Variants in KIF16B observed in about 807,000 individuals in gnomAD.
The protein encoded by KIF16B is kinesin family member 16B.
A neutral mutation model predicts 156.3 loss-of-function variants in KIF16B; 98 were observed. That is an observed-to-expected ratio of 0.63 (90% confidence interval 0.53 to 0.74). The LOEUF is 0.74. KIF16B is among the 30% of genes least tolerant of loss of function. The pLI, the probability that KIF16B is intolerant of heterozygous loss-of-function variation, is 0.00. For missense variants in KIF16B, 1,421 were observed against 1,606.5 expected (o/e 0.88, Z 1.97); for synonymous variants, 564 against 583.7 (o/e 0.97, Z 0.49).
intron 24 of KIF16B, among the ~76,000 whole-genome samples, chr20:16,329,155 A>G (rs1460679379): frequency 6.6e-6 from 1 of 152,164 alleles, no homozygotes; most frequent in East Asian, 1.9e-4. Context: ...CAGTCATCCA[A>G]AAAGCTAGGG....
chr20:16,310,356 C>T (rs530408693), intron 25 of KIF16B, among the ~76,000 whole-genome samples: 1 of 152,178 alleles, frequency 6.6e-6, no homozygotes, highest in African/African-American at 2.4e-5. Context: ...CAGGTTCCAC[C>T]TGAAAGCATT....
Position 16,374,371 on chromosome 20 carries a change from T to C in KIF16B, c.3236A>G (p.Tyr1079Cys). The C allele has an allele frequency of 1.3e-6, 2 of 1,595,610 alleles. No homozygotes were observed. The highest frequency in any genetic ancestry group is 1.7e-6 in the Non-Finnish European group (2 of 1,169,226). ...ATCTTTTTGAACACCATCGACCTCA[T>C]AAATCTTCTGTTTCAGCTGCTGGAT... is the stretch of plus-strand genomic sequence containing the variant. ...YEIQQLKQKI[Y>C]EVDGVQKDHH... Residue 1079 changes from tyrosine (Y) to cysteine (C), a missense_variant, in exon 20 of 26, where the codon TAT (tyrosine) becomes TGT (cysteine). By Grantham distance (194) the Tyr-to-Cys change is radical. Coordinates refer to ENST00000354981, the MANE Select transcript of KIF16B (RefSeq NM_024704.5).
At chr20:16,312,280 G>T (rs979556672) in intron 25 of KIF16B, 55 bp downstream of exon 25, 3 of 1,270,500 alleles carry the variant, frequency 2.4e-6, no homozygotes, top group South Asian at 1.2e-5. Context: ...AATTCTTACC[G>T]GTCAGATGGT....
At chr20:16,409,266 G>A (rs538346793) in intron 15 of KIF16B, among the ~76,000 whole-genome samples, 1 of 152,210 alleles carries the variant, frequency 6.6e-6, no homozygotes, top group East Asian at 1.9e-4. Flanking sequence ...GATGATTGAT[G>A]ATAATAATGA....
At position 16,508,029 on chromosome 20, in the gene KIF16B, T is replaced by TG; in HGVS notation, c.627_628insC (p.Thr210HisfsTer12). ...TCGTTCATCCCAGTCGCTGCGGTGG[T>TG]CCGGTTGATATTGCCCGCATCCATA... On this transcript the variant is annotated frameshift_variant, in exon 7 of 26. Transcript: ENST00000354981. LOFTEE classifies it high-confidence loss of function. The TG allele has an allele frequency of 6.2e-7, 1 of 1,614,154 alleles. No individual in the cohort carries two copies. The highest frequency in any genetic ancestry group is 8.5e-7 in the Non-Finnish European group (1 of 1,180,006).
chr20:16,397,591 C>T (rs2065540888), intron 17 of KIF16B, among the ~76,000 whole-genome samples: 1 of 152,210 alleles, frequency 6.6e-6, no homozygotes, highest in Non-Finnish European at 1.5e-5. Context: ...TAACTTGGAG[C>T]TTACTGGATA....
At chr20:16,301,982 T>C (rs2063478900) in intron 25 of KIF16B, among the ~76,000 whole-genome samples, 1 of 152,174 alleles carries the variant, frequency 6.6e-6, no homozygotes, top group Admixed American at 6.5e-5. Context: ...GTTGTTTGTG[T>C]TCTTATTGTT....
intron 3 of KIF16B, among the ~76,000 whole-genome samples, chr20:16,521,617 C>T (rs1245085956): frequency 6.6e-6 from 1 of 152,120 alleles, no homozygotes. Context: ...TCCAGGAGAA[C>T]TTCCCCAACC....
At chr20:16,547,535 G>A (rs916540812) in intron 1 of KIF16B, among the ~76,000 whole-genome samples, 4 of 152,152 alleles carry the variant, frequency 2.6e-5, no homozygotes, top group African/African-American at 9.7e-5. Flanking sequence ...AATATTCTTT[G>A]AAACTGTGTC....
intron 23 of KIF16B, among the ~76,000 whole-genome samples, chr20:16,343,581 C>T (rs1346171461): frequency 6.6e-6 from 1 of 152,068 alleles, no homozygotes. Context: ...CTAATATATA[C>T]TAAAAAAAGT....
chr20:16,498,266 C>T (rs1458526566), intron 10 of KIF16B, among the ~76,000 whole-genome samples: 2 of 152,048 alleles, frequency 1.3e-5, no homozygotes, highest in Non-Finnish European at 2.9e-5. Flanking sequence ...GAGAGGGAAA[C>T]GGAATCAGGC....
chr20:16,570,591 T>C (rs774211466), intron 1 of KIF16B, among the ~76,000 whole-genome samples: 2 of 152,200 alleles, frequency 1.3e-5, no homozygotes, highest in Non-Finnish European at 2.9e-5. Flanking sequence ...CAGTTGCCAA[T>C]TTATATATCT....
intron 1 of KIF16B, among the ~76,000 whole-genome samples, chr20:16,567,865 T>C (rs1041660591): frequency 5.9e-5 from 9 of 152,098 alleles, no homozygotes; most frequent in Non-Finnish European, 8.8e-5. Flanking sequence ...GGCAGGAGAA[T>C]GGCATGAACC....
chr20:16,563,903 A>C (rs1389537467), intron 1 of KIF16B, among the ~76,000 whole-genome samples: 1 of 152,216 alleles, frequency 6.6e-6, no homozygotes, highest in Non-Finnish European at 1.5e-5. Context: ...ACCTAAAAGA[A>C]AGAAAAAACT....
intron 1 of KIF16B, among the ~76,000 whole-genome samples, chr20:16,567,672 T>C (rs1053285536): frequency 6.6e-6 from 1 of 152,072 alleles, no homozygotes; most frequent in African/African-American, 2.4e-5. Flanking sequence ...GAAATAAGCA[T>C]AGGGCTGGCA....
Position 16,505,714 on chromosome 20 carries a change from A to G in KIF16B, c.1000+8T>C. The stretch of plus-strand genomic sequence containing the variant: ...TGTATGCTCAGAAAAGTAACTTAAA[A>G]CTCTTACTGGCAATCATGATAGTTT... On this transcript the variant is annotated splice_region_variant and intron_variant, in intron 9 of 25. Coordinates refer to ENST00000354981, the MANE Select transcript of KIF16B (RefSeq NM_024704.5). The G allele has an allele frequency of 6.2e-7, 1 of 1,610,276 alleles. No individual in the cohort carries two copies. Among genetic ancestry groups the G allele is most frequent in the East Asian group, 2.2e-5 (1 of 44,816 alleles).
At chr20:16,368,799 C>T (rs1293092002) in intron 22 of KIF16B, 1 of 985,652 alleles carries the variant, frequency 1.0e-6, no homozygotes, top group African/African-American at 1.7e-5. Context: ...CTTGCCTGGC[C>T]TGCTTGCCTC....
intron 25 of KIF16B, among the ~76,000 whole-genome samples, chr20:16,302,178 A>G (rs2063481571): frequency 6.6e-6 from 1 of 152,190 alleles, no homozygotes; most frequent in South Asian, 2.1e-4. Flanking sequence ...CTGGTGTTGT[A>G]TCTAAAAAGT....
intron 24 of KIF16B, among the ~76,000 whole-genome samples, chr20:16,333,361 G>A (rs1313439445): frequency 1.3e-5 from 2 of 152,130 alleles, no homozygotes; most frequent in African/African-American, 2.4e-5. Flanking sequence ...ACAAGGCCTG[G>A]TTTTATTCAC....
Sources: gnomAD v4.1 joint callset for allele counts (sites outside exome capture counted in the v4.1 genomes callset) on GRCh38, gnomAD v4.1.1 for gene constraint, MANE v1.5 for transcripts, NCBI Gene and HGNC (gene_info 2026-07-23, HGNC 2026-07-21) for gene names.